Variants in MARCHF1 observed in about 807,000 individuals in gnomAD.
MARCHF1 encodes membrane associated ring-CH-type finger 1, also known as E3 ubiquitin-protein ligase MARCHF1.
Under a neutral mutation model 54.2 loss-of-function variants are expected in MARCHF1, and 40 were observed. The ratio of observed to expected loss-of-function variants is 0.74; its 90% CI spans 0.57 to 0.96. The LOEUF is 0.96. Ranked by LOEUF, MARCHF1 falls within the 40% of genes least tolerant of loss-of-function variation. The pLI, the probability that MARCHF1 is intolerant of heterozygous loss-of-function variation, is 0.00. For synonymous variants in MARCHF1, 236 were observed against 236.3 expected, an observed-to-expected ratio of 1.00 and a Z score of 0.01; for missense variants, 586 against 656.5, an observed-to-expected ratio of 0.89 and a Z score of 1.17.
At chr4:164,040,643 G>A (rs975649631) in intron 2 of MARCHF1, among the ~76,000 whole-genome samples, 9 of 151,740 alleles carry the variant, frequency 5.9e-5, no homozygotes, top group African/African-American at 1.9e-4. Context: ...TATTTTAAAC[G>A]TAAGCAAAGC....
chr4:163,919,870 C>T (rs773469152), intron 3 of MARCHF1, among the ~76,000 whole-genome samples: 1 of 152,072 alleles, frequency 6.6e-6, no homozygotes, highest in Non-Finnish European at 1.5e-5. Flanking sequence ...AACATTAGAT[C>T]TACCATTCTA....
intron 4 of MARCHF1, among the ~76,000 whole-genome samples, chr4:163,845,156 A>T (rs1387976471): frequency 6.6e-6 from 1 of 152,124 alleles, no homozygotes; most frequent in Non-Finnish European, 1.5e-5. Context: ...CAATATTATG[A>T]TTGTATTATT....
intron 3 of MARCHF1, among the ~76,000 whole-genome samples, chr4:163,857,361 C>A (rs1186983851): frequency 1.3e-5 from 2 of 152,140 alleles, no homozygotes; most frequent in Non-Finnish European, 2.9e-5. Context: ...TCTTCCTACA[C>A]AGGTCTGGAG....
chr4:163,562,691 C>T (rs1263832570), intron 8 of MARCHF1, among the ~76,000 whole-genome samples: 1 of 152,190 alleles, frequency 6.6e-6, no homozygotes, highest in Non-Finnish European at 1.5e-5. Flanking sequence ...TCAGTCCAGA[C>T]TCAACCTTTC....
chr4:163,589,017 C>T (rs1199981767), intron 7 of MARCHF1, among the ~76,000 whole-genome samples: 1 of 150,388 alleles, frequency 6.6e-6, no homozygotes, highest in South Asian at 2.1e-4. Flanking sequence ...AACGAAAACC[C>T]CACTTGGCCT....
chr4:164,135,254 G>A (rs1756376842), intron 1 of MARCHF1, among the ~76,000 whole-genome samples: 1 of 152,158 alleles, frequency 6.6e-6, no homozygotes, highest in African/African-American at 2.4e-5. Context: ...AGAGAACACT[G>A]CCTTTTAAAA....
chr4:164,176,970 CT>C (rs70952606), intron 1 of MARCHF1, among the ~76,000 whole-genome samples: 20,408 of 56,406 alleles, frequency 0.36, 4,219 homozygotes, highest in Non-Finnish European at 0.46. Context: ...CTCTCTCTCT[CT>C]CTCTCTCTCT....
chr4:163,559,540 C>T (rs1319531805), intron 8 of MARCHF1, among the ~76,000 whole-genome samples: 1 of 152,084 alleles, frequency 6.6e-6, no homozygotes, highest in Non-Finnish European at 1.5e-5. Context: ...AGTAAGAACT[C>T]GGAGAAGAGA....
intron 5 of MARCHF1, among the ~76,000 whole-genome samples, chr4:163,634,448 T>C (rs1742235675): frequency 6.9e-6 from 1 of 144,838 alleles, no homozygotes; most frequent in Non-Finnish European, 1.5e-5. Flanking sequence ...GTTGCAATCC[T>C]AGTCTCTGAT....
rs192162495 is a variant in MARCHF1 at position 164,037,901 on chromosome 4, C to T, written c.-247-49192G>A. 7.4e-3 allele frequency among the ~76,000 whole-genome samples: 1,122 copies of T among 152,184 alleles called. 14 individuals carry two copies. The highest frequency in any genetic ancestry group is 0.01 in the Admixed American group (159 of 15,274). On this transcript the variant is annotated intron_variant, in intron 2 of 9. Transcript: ENST00000514618. The stretch of plus-strand genomic sequence containing the variant: ...CTCAAAAGTTACATATTGCATGATT[C>T]TATTTATATAATAATCTTGAAGTGA...
At chr4:163,984,845 A>T (rs917981975) in intron 3 of MARCHF1, among the ~76,000 whole-genome samples, 2 of 152,200 alleles carry the variant, frequency 1.3e-5, no homozygotes, top group Non-Finnish European at 2.9e-5. Flanking sequence ...AAGTAGGCAA[A>T]TAAGATATAA....
At chr4:164,305,781 A>T (rs77778382) in intron 1 of MARCHF1, among the ~76,000 whole-genome samples, 2,518 of 152,242 alleles carry the variant, frequency 0.017, 71 homozygotes, top group African/African-American at 0.057. Context: ...CAACATAAAG[A>T]AATGACAAAT....
intron 4 of MARCHF1, among the ~76,000 whole-genome samples, chr4:163,762,265 A>G (rs765422031): frequency 2.0e-5 from 3 of 152,158 alleles, no homozygotes; most frequent in Non-Finnish European, 4.4e-5. Context: ...CGAATAATAC[A>G]CTGGCATTTT....
At chr4:164,053,347 A>G (rs1448689585) in intron 2 of MARCHF1, among the ~76,000 whole-genome samples, 4 of 152,126 alleles carry the variant, frequency 2.6e-5, no homozygotes, top group African/African-American at 9.6e-5. Flanking sequence ...TGTCAACCCC[A>G]AACATAGGAA....
At chr4:163,784,447 T>C (rs1467547926) in intron 4 of MARCHF1, among the ~76,000 whole-genome samples, 1 of 152,110 alleles carries the variant, frequency 6.6e-6, no homozygotes, top group Non-Finnish European at 1.5e-5. Context: ...GCAGAACAAA[T>C]GATTTGACTG....
At chr4:164,081,761 C>A (rs560102318) in intron 2 of MARCHF1, among the ~76,000 whole-genome samples, 1 of 152,012 alleles carries the variant, frequency 6.6e-6, no homozygotes, top group Non-Finnish European at 1.5e-5. Context: ...AATACAGAAA[C>A]CAGATCATTG....
intron 4 of MARCHF1, among the ~76,000 whole-genome samples, chr4:163,717,505 T>C (rs1370963203): frequency 2.0e-5 from 3 of 152,262 alleles, no homozygotes; most frequent in South Asian, 2.1e-4. Flanking sequence ...CCTTTGGGTA[T>C]ATACGCAGTA....
rs114888408 is a variant in MARCHF1 at position 164,108,282 on chromosome 4, T to A, written c.-248+3306A>T. Among the ~76,000 whole-genome samples, 507 of 152,246 alleles carry A rather than the reference T, an allele frequency of 3.3e-3. 4 individuals carry two copies. Among genetic ancestry groups the A allele is most frequent in the African/African-American group, 0.011 (475 of 41,554 alleles). ...TATGTAACATTATATACTAAGTAAG[T>A]TCCTGAGTCAAGCCTGCTGTTTTTA... On this transcript the variant is annotated intron_variant, in intron 2 of 9. Coordinates refer to ENST00000514618, the MANE Select transcript of MARCHF1 (RefSeq NM_001394959.1).
intron 1 of MARCHF1, among the ~76,000 whole-genome samples, chr4:164,277,602 C>G (rs1312929884): frequency 6.6e-5 from 10 of 152,248 alleles, no homozygotes; most frequent in Admixed American, 6.5e-4. Flanking sequence ...AATCCCTGCT[C>G]AACTTTTAAT....
Sources: gnomAD v4.1 joint callset for allele counts (sites outside exome capture counted in the v4.1 genomes callset) on GRCh38, gnomAD v4.1.1 for gene constraint, MANE v1.5 for transcripts, NCBI Gene and HGNC (gene_info 2026-07-23, HGNC 2026-07-21) for gene names.